MARCHF8: variants seen among roughly 807,000 people sequenced by gnomAD.
The protein encoded by MARCHF8 is E3 ubiquitin-protein ligase MARCHF8.
MARCHF8 carries 40 observed loss-of-function variants against 51.6 expected under a neutral mutation model. That is an observed-to-expected ratio of 0.77 (90% CI 0.60 to 1.01). The LOEUF is 1.01. Among genes scored for constraint, MARCHF8 ranks in the 50% least tolerant of loss-of-function variants. MARCHF8 has a pLI of 0.00. For missense variants in MARCHF8, 685 were observed against 708.6 expected, an observed-to-expected ratio of 0.97 and a Z score of 0.38; for synonymous variants, 263 against 280.3, an observed-to-expected ratio of 0.94 and a Z score of 0.62.
chr10:45,463,834 T>C lies in MARCHF8; in HGVS notation c.405A>G (p.Glu135=). The change falls in exon 5 of 8, where the codon GAA becomes GAG. Residue 135 remains glutamate, a synonymous_variant. Transcript: ENST00000453424. ...TAGCAGGCTTCAAGGCCTGGGCCCA[T>C]TCTGAACCAAAGGAATTTCTCTTTG... is the stretch of plus-strand genomic sequence containing the variant. ...QASKRNSFGS[E]WAQALKPAKN... is the part of the protein sequence containing the mutation. The C allele has an allele frequency of 6.5e-7, 1 of 1,545,368 alleles. No individual in the cohort carries two copies. The highest frequency in any genetic ancestry group is 1.2e-5 in the South Asian group (1 of 84,066).
intron 1 of MARCHF8, among the ~76,000 whole-genome samples, chr10:45,554,829 C>T (rs1052776296): frequency 2.6e-5 from 4 of 152,078 alleles, no homozygotes; most frequent in Non-Finnish European, 5.9e-5. Flanking sequence ...CCAAGACTAG[C>T]GGATTGCCTG....
intron 2 of MARCHF8, among the ~76,000 whole-genome samples, chr10:45,491,798 A>G (rs540049764): frequency 1.4e-3 from 209 of 152,300 alleles, no homozygotes; most frequent in African/African-American, 4.9e-3. Flanking sequence ...TAGGCCTTGG[A>G]TTATCTGTAC....
chr10:45,473,184 A>ATT (rs1241965448), intron 3 of MARCHF8, among the ~76,000 whole-genome samples: 1 of 152,208 alleles, frequency 6.6e-6, no homozygotes, highest in East Asian at 1.9e-4. Flanking sequence ...TAATGGCAAC[A>ATT]ATAACCGGAA....
chr10:45,558,223 G>A (rs1283141544), intron 1 of MARCHF8, among the ~76,000 whole-genome samples: 1 of 152,154 alleles, frequency 6.6e-6, no homozygotes, highest in Admixed American at 6.5e-5. Flanking sequence ...CAGAGTCAAG[G>A]CAGACAAGGA....
chr10:45,514,631 T>C (rs1218813588), intron 2 of MARCHF8, among the ~76,000 whole-genome samples: 1 of 152,236 alleles, frequency 6.6e-6, no homozygotes, highest in Non-Finnish European at 1.5e-5. Flanking sequence ...CAATTTCACC[T>C]CTGCCTATAG....
At chr10:45,466,317 T>C (rs760198175) in intron 3 of MARCHF8, among the ~76,000 whole-genome samples, 4 of 152,220 alleles carry the variant, frequency 2.6e-5, no homozygotes, top group Non-Finnish European at 4.4e-5. Flanking sequence ...TCTTCTTTTA[T>C]TTCTGAGGAT....
At chr10:45,484,579 A>G (rs1189223520) in intron 3 of MARCHF8, among the ~76,000 whole-genome samples, 2 of 152,244 alleles carry the variant, frequency 1.3e-5, no homozygotes, top group Non-Finnish European at 1.5e-5. Flanking sequence ...ACACACTGCT[A>G]TCATTACAAA....
chr10:45,458,991 T>C, intron 7 of MARCHF8, 129 bp downstream of exon 7: 2 of 1,126,768 alleles, frequency 1.8e-6, no homozygotes, highest in Non-Finnish European at 2.6e-6. Context: ...AGGAGGCTAG[T>C]GCCTCCTAAC....
intron 2 of MARCHF8, among the ~76,000 whole-genome samples, chr10:45,513,674 A>G (rs2043572835): frequency 6.6e-6 from 1 of 152,132 alleles, no homozygotes; most frequent in South Asian, 2.1e-4. Flanking sequence ...CAGCAAAGTT[A>G]ACAGAGACGG....
intron 3 of MARCHF8, among the ~76,000 whole-genome samples, chr10:45,466,722 C>G (rs911939499): frequency 1.3e-5 from 2 of 152,130 alleles, no homozygotes; most frequent in Non-Finnish European, 2.9e-5. Flanking sequence ...TCTGGAAAAT[C>G]GTGCCCAATC....
chr10:45,549,814 T>C (rs913928106), intron 1 of MARCHF8, among the ~76,000 whole-genome samples: 2 of 152,222 alleles, frequency 1.3e-5, no homozygotes, highest in African/African-American at 2.4e-5. Flanking sequence ...CCCAGGCACA[T>C]GCTCTCTTGC....
At chr10:45,534,195 C>CA (rs2043938184) in intron 1 of MARCHF8, among the ~76,000 whole-genome samples, 1 of 146,118 alleles carries the variant, frequency 6.8e-6, no homozygotes, top group Admixed American at 6.8e-5. Flanking sequence ...CAACCTCCCC[C>CA]CCACCAAAAA....
intron 2 of MARCHF8, among the ~76,000 whole-genome samples, chr10:45,493,700 T>C (rs2043124201): frequency 6.6e-6 from 1 of 152,252 alleles, no homozygotes; most frequent in Admixed American, 6.5e-5. Flanking sequence ...CCCATGCTGC[T>C]GTCCCCAGAC....
At chr10:45,467,271 T>G (rs954406357) in intron 3 of MARCHF8, among the ~76,000 whole-genome samples, 1 of 152,228 alleles carries the variant, frequency 6.6e-6, no homozygotes, top group Non-Finnish European at 1.5e-5. Flanking sequence ...ATCACAGAAT[T>G]TAAAGAAAAA....
Position 45,456,162 on chromosome 10 carries a change from C to T in MARCHF8, c.*2077G>A, listed in dbSNP as rs1842598600. 6.6e-6 allele frequency: 1 copy of T among 152,390 alleles called. No homozygotes were observed. Among genetic ancestry groups the T allele is most frequent in the Admixed American group, 6.5e-5 (1 of 15,294 alleles). The allele number at this position is 152,390 out of a possible 1,614,324, so 9.4% of individuals were successfully genotyped here. On this transcript the variant is annotated 3_prime_UTR_variant, in exon 8 of 8. Transcript: ENST00000453424. ...ACCAGGGGCCTTGCCTGGGCAGTTCCTAAGGGACATTGGCAGGGCTGACCT... is the reference window on the plus strand; with the variant it reads ...ACCAGGGGCCTTGCCTGGGCAGTTCTTAAGGGACATTGGCAGGGCTGACCT...
intron 2 of MARCHF8, among the ~76,000 whole-genome samples, chr10:45,529,172 G>A (rs1073525): frequency 0.45 from 67,993 of 152,044 alleles, 15,379 homozygotes; most frequent in East Asian, 0.61. Context: ...ACAGGCAAAT[G>A]ATCTTCTTCA....
At chr10:45,531,308 A>T (rs928065371) in intron 2 of MARCHF8, among the ~76,000 whole-genome samples, 16 of 152,178 alleles carry the variant, frequency 1.1e-4, no homozygotes, top group Admixed American at 5.2e-4. Flanking sequence ...TTTTTAAATA[A>T]AGCTGAAAGA....
Position 45,511,642 on chromosome 10 carries a change from G to A in MARCHF8, c.102+21468C>T, listed in dbSNP as rs569435959. Among the ~76,000 whole-genome samples, 14 of 152,348 alleles carry A rather than the reference G, an allele frequency of 9.2e-5. No homozygotes were observed. In the East Asian group the frequency reaches 2.3e-3, roughly 25 times the overall value. The stretch of plus-strand genomic sequence containing the variant: ...CCGGGCTGGTCTCCAGCTCCTAACC[G>A]CGAGTGATCCGCCAGCCTCGGCCTC... On this transcript the variant is annotated intron_variant, in intron 2 of 7. Transcript: ENST00000453424.
intron 3 of MARCHF8, among the ~76,000 whole-genome samples, chr10:45,483,059 A>G (rs1240915211): frequency 6.6e-6 from 1 of 152,214 alleles, no homozygotes; most frequent in African/African-American, 2.4e-5. Context: ...CACAGGGATT[A>G]CACTTCAAGA....
Sources: gnomAD v4.1 joint callset for allele counts (sites outside exome capture counted in the v4.1 genomes callset) on GRCh38, gnomAD v4.1.1 for gene constraint, MANE v1.5 for transcripts, NCBI Gene and HGNC (gene_info 2026-07-23, HGNC 2026-07-21) for gene names.